Variants in DAG1 observed in about 807,000 individuals in gnomAD.
DAG1 encodes dystroglycan 1 (dystrophin-associated glycoprotein 1).
DAG1 carries 8 observed loss-of-function variants against 46.1 expected under a neutral mutation model. The ratio of observed to expected loss-of-function variants is 0.17; its 90% confidence interval spans 0.10 to 0.31. DAG1 has a LOEUF of 0.31. Ranked by LOEUF, DAG1 falls within the 10% of genes least tolerant of loss-of-function variation. DAG1 has a pLI of 1.00. For synonymous variants in DAG1, 495 were observed against 481.8 expected, an observed-to-expected ratio of 1.03 and a Z score of -0.36; for missense variants, 1,003 against 1,189.9, an observed-to-expected ratio of 0.84 and a Z score of 2.31.
At chr3:49,508,276 A>T (rs1439939086) in intron 1 of DAG1, among the ~76,000 whole-genome samples, 2 of 147,852 alleles carry the variant, frequency 1.4e-5, no homozygotes, top group African/African-American at 5.0e-5. Flanking sequence ...TTCTCAGCTC[A>T]CTTCAGCCTC....
chr3:49,483,791 C>T (rs2049946385), intron 1 of DAG1, among the ~76,000 whole-genome samples: 2 of 152,166 alleles, frequency 1.3e-5, no homozygotes, highest in Middle Eastern at 3.2e-3. Context: ...CCTCCCACCT[C>T]AGCCTCCTGA....
chr3:49,489,219 A>C (rs2050117801), intron 1 of DAG1, among the ~76,000 whole-genome samples: 1 of 151,824 alleles, frequency 6.6e-6, no homozygotes, highest in South Asian at 2.1e-4. Flanking sequence ...CAGCCTCCCG[A>C]ATAGCTGGGA....
At chr3:49,529,446 G>C (rs1029741120) in intron 2 of DAG1, among the ~76,000 whole-genome samples, 7 of 152,188 alleles carry the variant, frequency 4.6e-5, no homozygotes, top group Non-Finnish European at 1.0e-4. Flanking sequence ...ACAAGCCTGG[G>C]GTCTCCTTTC....
At chr3:49,471,999 T>C (rs560479468) in intron 1 of DAG1, among the ~76,000 whole-genome samples, 2 of 152,204 alleles carry the variant, frequency 1.3e-5, no homozygotes, top group Admixed American at 1.3e-4. Context: ...GGGAACCACA[T>C]GTACATGAGC....
At position 49,532,968 on chromosome 3, in the gene DAG1, G is replaced by C; in HGVS notation, c.2457G>C (p.Leu819=). The change falls in exon 3 of 3, where the codon CTG becomes CTC. Residue 819 remains leucine (L), a synonymous_variant. Transcript: ENST00000308775. The surrounding 1 kb of genome is among the most constrained non-coding windows in gnomAD (Gnocchi z 5.4). ...CCTCCTCCAGCATGCCACTCATTCT[G>C]CAGGAGGAGAAGGCTCCCCTACCCC... ...PPPSSSMPLI[L]QEEKAPLPPP... is the part of the protein sequence containing the mutation. 6.2e-7 allele frequency: 1 copy of C among 1,614,026 alleles called. No homozygotes were observed. Among genetic ancestry groups the C allele is most frequent in the African/African-American group, 1.3e-5 (1 of 74,996 alleles).
intron 1 of DAG1, among the ~76,000 whole-genome samples, chr3:49,478,470 T>G (rs1575338648): frequency 6.1e-5 from 8 of 132,058 alleles, no homozygotes; most frequent in East Asian, 2.6e-4. Flanking sequence ...TTGAGTGTGG[T>G]GGCACGTTCC....
intron 2 of DAG1, among the ~76,000 whole-genome samples, chr3:49,512,592 A>T (rs1339649982): frequency 6.6e-6 from 1 of 150,670 alleles, no homozygotes. Context: ...GGGTTTCACC[A>T]TGTTGGCCAG....
In DAG1 at chr3:49,533,073, G is replaced by A. The variant is rs1281437780; in HGVS notation, c.2562G>A (p.Arg854=). The change falls in exon 3 of 3, where the codon CGG becomes CGA. Residue 854 remains arginine, a synonymous_variant. Transcript: ENST00000308775. ...QDTMGEYTPL[R]DEDPNAPPYQ... ...CCATGGGAGAGTACACGCCCCTGCG[G>A]GATGAGGATCCCAATGCGCCTCCCT... 1.2e-6 allele frequency: 2 copies of A among 1,614,150 alleles called. No individual in the cohort carries two copies.
At chr3:49,499,657 G>A (rs1035473224) in intron 1 of DAG1, among the ~76,000 whole-genome samples, 2 of 152,146 alleles carry the variant, frequency 1.3e-5, no homozygotes, top group Non-Finnish European at 1.5e-5. Context: ...ACAGAATGGG[G>A]TCATAAGGGC....
rs146575216 is a variant in DAG1, at chr3:49,471,924, G to C, written c.-117+1491G>C. ...TCACATAGTAGCCTGAGGAGAGAGG[G>C]AATTCCTGAGCTGTGGTTTTCAGGG... On this transcript the variant is annotated intron_variant, in intron 1 of 2. Transcript: ENST00000308775. 2.7e-3 allele frequency among the ~76,000 whole-genome samples: 418 copies of C among 152,250 alleles called. 3 individuals are homozygous for C. Among genetic ancestry groups the C allele is most frequent in the African/African-American group, 9.3e-3 (388 of 41,556 alleles).
chr3:49,476,355 C>T lies in DAG1; in HGVS notation c.-117+5922C>T, dbSNP rs549492148. ...CTGTAATCCCAGTACTTTGGGAGGC[C>T]GAGCCGTGTGGATCACCTGAGCTCA... is the stretch of plus-strand genomic sequence containing the variant. On this transcript the variant is annotated intron_variant, in intron 1 of 2. Transcript: ENST00000308775. 3.3e-5 allele frequency among the ~76,000 whole-genome samples: 5 copies of T among 152,088 alleles called. 1 individual carries two copies. The South Asian group carries it at 1.0e-3, about 32-fold the overall frequency.
chr3:49,502,702 G>C (rs1033832041), intron 1 of DAG1, among the ~76,000 whole-genome samples: 1 of 146,712 alleles, frequency 6.8e-6, no homozygotes, highest in African/African-American at 2.5e-5. Context: ...GCAGTGGTGC[G>C]ATCTCGGCTC....
chr3:49,485,582 A>G (rs1296515330), intron 1 of DAG1, among the ~76,000 whole-genome samples: 2 of 151,970 alleles, frequency 1.3e-5, no homozygotes, highest in Non-Finnish European at 2.9e-5. Flanking sequence ...AGCCAAATTC[A>G]GATTTTTCAT....
At chr3:49,500,573 G>T (rs1409409439) in intron 1 of DAG1, among the ~76,000 whole-genome samples, 2 of 152,214 alleles carry the variant, frequency 1.3e-5, no homozygotes, top group Admixed American at 1.3e-4. Context: ...ACTCGAAAAA[G>T]AGCTTCTGTA....
intron 1 of DAG1, among the ~76,000 whole-genome samples, chr3:49,482,489 G>C (rs2049914431): frequency 6.6e-6 from 1 of 152,192 alleles, no homozygotes; most frequent in Non-Finnish European, 1.5e-5. Context: ...TGCCCTATGG[G>C]GGGAGGCGAG....
In DAG1 at chr3:49,510,706, C is replaced by T. The variant is rs2050740689; in HGVS notation, c.172C>T (p.His58Tyr). The part of the protein sequence containing the change: ...ASMHSVLSDL[H>Y]EAVPTVVGIP... ...CATGCACTCAGTGCTCTCAGACCTC[C>T]ACGAGGCTGTTCCCACAGTGGTTGG... Residue 58 changes from histidine to tyrosine, a missense_variant, in exon 2 of 3, where the codon CAC (histidine) becomes TAC (tyrosine). His to Tyr is a moderately conservative substitution (Grantham distance 83). Coordinates refer to ENST00000308775, the MANE Select transcript of DAG1 (RefSeq NM_004393.6). 1 of 1,614,186 alleles carries T rather than the reference C, an allele frequency of 6.2e-7. No homozygotes were observed. Among genetic ancestry groups the T allele is most frequent in the Non-Finnish European group, 8.5e-7 (1 of 1,180,034 alleles).
chr3:49,514,704 T>A (rs2050850926), intron 2 of DAG1, among the ~76,000 whole-genome samples: 1 of 151,866 alleles, frequency 6.6e-6, no homozygotes, highest in Non-Finnish European at 1.5e-5. Flanking sequence ...AATGGCGTGA[T>A]CTTGGCCTAC....
chr3:49,475,037 C>T lies in DAG1; in HGVS notation c.-117+4604C>T, dbSNP rs193211865. On this transcript the variant is annotated intron_variant, in intron 1 of 2. Coordinates refer to ENST00000308775, the MANE Select transcript of DAG1 (RefSeq NM_004393.6). The stretch of plus-strand genomic sequence containing the variant: ...CTGTGTTAACCAGGATGGTCTCGAT[C>T]TACTGACCTCTTGATCTGCCTGCCT... 4.8e-3 allele frequency among the ~76,000 whole-genome samples: 731 copies of T among 151,728 alleles called. 7 individuals are homozygous for T. Among genetic ancestry groups the T allele is most frequent in the African/African-American group, 0.017 (688 of 41,340 alleles).
At chr3:49,524,253 A>G (rs751406801) in intron 2 of DAG1, among the ~76,000 whole-genome samples, 1 of 152,198 alleles carries the variant, frequency 6.6e-6, no homozygotes, top group East Asian at 1.9e-4. Context: ...ACCTTCAGGC[A>G]TGTTCAGACT....
Sources: allele counts gnomAD v4.1 joint callset (sites outside exome capture counted in the v4.1 genomes callset), GRCh38; gene constraint gnomAD v4.1.1; non-coding constraint Gnocchi (gnomAD v3.1); transcripts MANE v1.5; gene names NCBI Gene and HGNC (gene_info 2026-07-23, HGNC 2026-07-21).